The following AUH variants were observed in gnomAD, a reference collection of about 807,000 sequenced individuals.
AUH encodes AU RNA binding methylglutaconyl-CoA hydratase.
AUH carries 29 observed loss-of-function variants against 42.3 expected under a neutral mutation model. The observed-to-expected ratio is 0.69, with a 90% CI of 0.51 to 0.93. The LOEUF is 0.93. AUH is among the 40% of genes least tolerant of loss of function. The probability of loss-of-function intolerance (pLI) is 0.00; values close to 1 mark genes in which losing one functional copy is unlikely to be tolerated. For synonymous variants in AUH, 174 were observed against 166.4 expected, an observed-to-expected ratio of 1.05 and a Z score of -0.35; for missense variants, 452 against 438.1, an observed-to-expected ratio of 1.03 and a Z score of -0.28.
At chr9:91,262,611 C>G (rs1009856550) in intron 6 of AUH, among the ~76,000 whole-genome samples, 1 of 152,118 alleles carries the variant, frequency 6.6e-6, no homozygotes, top group Non-Finnish European at 1.5e-5. Context: ...GCACTTTATA[C>G]ACTCCATTTA....
chr9:91,347,754 G>A (rs372226869), intron 3 of AUH, among the ~76,000 whole-genome samples: 5 of 151,864 alleles, frequency 3.3e-5, no homozygotes, highest in South Asian at 2.1e-4. Context: ...TTAGAAAACA[G>A]GAGAAAATCT....
At chr9:91,344,915 A>C (rs1324432458) in intron 3 of AUH, among the ~76,000 whole-genome samples, 1 of 151,924 alleles carries the variant, frequency 6.6e-6, no homozygotes, top group Non-Finnish European at 1.5e-5. Flanking sequence ...ATTGATAATC[A>C]ATCAATCATT....
At chr9:91,290,231 C>T (rs1045379577) in intron 6 of AUH, among the ~76,000 whole-genome samples, 1 of 152,132 alleles carries the variant, frequency 6.6e-6, no homozygotes, top group African/African-American at 2.4e-5. Flanking sequence ...GCTTGGGCAA[C>T]ATAGTGAGAC....
intron 4 of AUH, among the ~76,000 whole-genome samples, chr9:91,307,110 A>G (rs1030695419): frequency 2.0e-5 from 3 of 152,238 alleles, no homozygotes; most frequent in African/African-American, 7.2e-5. Context: ...AGAAAGAGAC[A>G]GCAAACGGCC....
chr9:91,322,167 T>C (rs1291584738), intron 4 of AUH, among the ~76,000 whole-genome samples: 3 of 152,084 alleles, frequency 2.0e-5, no homozygotes, highest in South Asian at 2.1e-4. Flanking sequence ...AGAAAAGCTA[T>C]AGCTACAATC....
At chr9:91,297,543 T>C (rs1036975416) in intron 5 of AUH, among the ~76,000 whole-genome samples, 16 of 152,054 alleles carry the variant, frequency 1.1e-4, no homozygotes, top group African/African-American at 2.9e-4. Context: ...GAGGAAGATA[T>C]TGGCCTAAAA....
At chr9:91,312,300 T>C (rs1246585936) in intron 4 of AUH, among the ~76,000 whole-genome samples, 1 of 152,190 alleles carries the variant, frequency 6.6e-6, no homozygotes, top group South Asian at 2.1e-4. Flanking sequence ...TCTCCAGTTG[T>C]AGAAAATGTG....
intron 6 of AUH, among the ~76,000 whole-genome samples, chr9:91,266,436 G>C (rs1201211864): frequency 2.6e-5 from 4 of 151,624 alleles, no homozygotes; most frequent in Non-Finnish European, 2.9e-5. Flanking sequence ...CAAAAGTAGG[G>C]TAAAGACCAC....
chr9:91,331,226 G>A (rs950765128), intron 3 of AUH, among the ~76,000 whole-genome samples: 1 of 152,142 alleles, frequency 6.6e-6, no homozygotes, highest in African/African-American at 2.4e-5. Flanking sequence ...AAATGTTTTG[G>A]AGAAAAAGGT....
chr9:91,361,403 T>C (rs1249009870), intron 1 of AUH, among the ~76,000 whole-genome samples: 1 of 152,154 alleles, frequency 6.6e-6, no homozygotes, highest in East Asian at 1.9e-4. Flanking sequence ...ACTTTACAGG[T>C]AAGCTGCTCG....
At chr9:91,274,930 A>C (rs1825426095) in intron 6 of AUH, among the ~76,000 whole-genome samples, 1 of 152,204 alleles carries the variant, frequency 6.6e-6, no homozygotes, top group African/African-American at 2.4e-5. Flanking sequence ...CTCTAAGGGA[A>C]ATTAAACTGA....
At chr9:91,258,153 ACT>A (rs1214869827) in intron 6 of AUH, among the ~76,000 whole-genome samples, 1 of 152,108 alleles carries the variant, frequency 6.6e-6, no homozygotes, top group African/African-American at 2.4e-5. Context: ...GTTTTGGTAG[ACT>A]CTTTAAAATT....
chr9:91,220,012 A>G (rs1293326343), intron 7 of AUH, among the ~76,000 whole-genome samples: 1 of 152,200 alleles, frequency 6.6e-6, no homozygotes, highest in Non-Finnish European at 1.5e-5. Context: ...AAAACTTCAA[A>G]CTCCACTAGG....
chr9:91,243,250 G>A (rs2131348800), intron 6 of AUH, among the ~76,000 whole-genome samples: 1 of 152,322 alleles, frequency 6.6e-6, no homozygotes, highest in Non-Finnish European at 1.5e-5. Context: ...CCAGAAACCT[G>A]AGACCCATAG....
intron 6 of AUH, among the ~76,000 whole-genome samples, chr9:91,267,868 T>A (rs186606639): frequency 3.9e-4 from 59 of 152,242 alleles, no homozygotes; most frequent in Admixed American, 9.2e-4. Flanking sequence ...ACCTTTTCCA[T>A]ATGAGTTGTT....
At position 91,258,322 on chromosome 9, in the gene AUH, C is replaced by T. The variant is rs1318559664; in HGVS notation, c.656-37330G>A. Among the ~76,000 whole-genome samples the T allele has an allele frequency of 2.0e-5, 3 of 150,694 alleles. No homozygotes were observed. The East Asian group carries it at 5.9e-4, about 29-fold the overall frequency. ...GTGATCTCGGCTCACTGCAAACCTC[C>T]ACCTCCTGGGTTAAGGGATTCTCCT... On this transcript the variant is annotated intron_variant, in intron 6 of 9. Transcript: ENST00000375731.
At chr9:91,321,347 A>T (rs140204864) in intron 4 of AUH, among the ~76,000 whole-genome samples, 103 of 151,982 alleles carry the variant, frequency 6.8e-4, no homozygotes, top group African/African-American at 2.4e-3. Context: ...TTCTCTTTAC[A>T]TTTTTTTAAG....
chr9:91,327,669 G>C (rs1458918154), intron 3 of AUH, among the ~76,000 whole-genome samples: 1 of 152,236 alleles, frequency 6.6e-6, no homozygotes, highest in African/African-American at 2.4e-5. Context: ...CGACAGGAAT[G>C]AAAGGGCTGT....
intron 6 of AUH, among the ~76,000 whole-genome samples, chr9:91,281,292 C>A (rs942617565): frequency 3.3e-5 from 5 of 152,110 alleles, no homozygotes; most frequent in African/African-American, 1.2e-4. Flanking sequence ...TTTTGTTCAT[C>A]TTCATTCTGC....
Sources: allele counts gnomAD v4.1 joint callset (sites outside exome capture counted in the v4.1 genomes callset), GRCh38; gene constraint gnomAD v4.1.1; transcripts MANE v1.5; gene names NCBI Gene and HGNC (gene_info 2026-07-23, HGNC 2026-07-21).